The following NECTIN1 variants were observed in gnomAD, a reference collection of about 807,000 sequenced individuals.
NECTIN1 encodes the protein nectin-1.
In NECTIN1, 23 loss-of-function variants were observed where a neutral mutation model predicts 48.0. The observed-to-expected ratio is 0.48, with a 90% CI of 0.34 to 0.68. The LOEUF is 0.68. Ranked by LOEUF, NECTIN1 falls within the 30% of genes least tolerant of loss-of-function variation. The pLI, the probability that NECTIN1 is intolerant of heterozygous loss-of-function variation, is 0.01. For synonymous variants in NECTIN1, 270 were observed against 288.9 expected (o/e 0.93, Z 0.66); for missense variants, 591 against 709.9 (o/e 0.83, Z 1.90).
Position 119,728,508 on chromosome 11 carries a change from G to A in NECTIN1, c.46C>T (p.Leu16Phe). Residue 16 changes from leucine to phenylalanine, a missense_variant, in exon 1 of 6, where the codon CTC becomes TTC. By Grantham distance (22) the Leu-to-Phe change is conservative. Transcript: ENST00000264025. ...LAGAAGRWWG[L>F]ALGLTAFFLP... ...AAGAATGCGGTCAAGCCGAGAGCGA[G>A]TCCCCACCAGCGTCCAGCGGCGCCC... 6.3e-7 allele frequency: 1 copy of A among 1,598,934 alleles called. No individual in the cohort carries two copies. Among genetic ancestry groups the A allele is most frequent in the South Asian group, 1.1e-5 (1 of 88,890 alleles).
At position 119,677,329 on chromosome 11, in the gene NECTIN1, G is replaced by C. The variant is rs1464974301; in HGVS notation, c.734-110C>G. The C allele has an allele frequency of 9.0e-7, 1 of 1,117,116 alleles. No individual in the cohort carries two copies. The highest frequency in any genetic ancestry group is 1.5e-5 in the African/African-American group (1 of 65,426). The allele number at this position is 1,117,116 out of a possible 1,614,324, so 69.2% of individuals were successfully genotyped here. On this transcript the variant is annotated intron_variant, in intron 3 of 5. Coordinates refer to ENST00000264025, the MANE Select transcript of NECTIN1 (RefSeq NM_002855.5). The surrounding 1 kb of genome is among the most constrained non-coding windows in gnomAD (Gnocchi z 5.4). ...GGAGCAGTGGCATGGAAACAGCCAG[G>C]AGAGAGGGAAGTGTGGGTGGGAGGG...
In NECTIN1 at chr11:119,662,264, A is replaced by T; in HGVS notation, c.*2483T>A. 1.0e-6 allele frequency: 1 copy of T among 985,652 alleles called. No homozygotes were observed. The highest frequency in any genetic ancestry group is 1.2e-6 in the Non-Finnish European group (1 of 829,948). The allele number at this position is 985,652 out of a possible 1,614,324, so 61.1% of individuals were successfully genotyped here. A position where few individuals can be genotyped will look rare whatever the true frequency, so the allele number is the denominator to read the frequency against. Reference sequence around the variant, plus strand: ...AGCTGGCTGTGTCTGTGGGCCCAGCAGTAGTGCCCACCTTCCCACAAACTT... The same window carrying T: ...AGCTGGCTGTGTCTGTGGGCCCAGCTGTAGTGCCCACCTTCCCACAAACTT... On this transcript the variant is annotated 3_prime_UTR_variant, in exon 6 of 6. Transcript: ENST00000264025. This position sits in a 1 kb window ranked among gnomAD's most constrained non-coding sequence, Gnocchi z 5.3.
chr11:119,692,316 C>A (rs886234542), intron 1 of NECTIN1, among the ~76,000 whole-genome samples: 2 of 152,244 alleles, frequency 1.3e-5, no homozygotes, highest in African/African-American at 2.4e-5. Context: ...CCTCGGTGGC[C>A]ACCTGCTTCC....
rs1591449087 is a variant in NECTIN1 at position 119,665,038 on chromosome 11, G to A, written c.1263C>T (p.Asp421=). The part of the protein sequence containing the change: ...PMAQNLQYPD[D]SDDEKKAGPL... ...GGCCGGCCTTCTTCTCGTCGTCTGA[G>A]TCGTCGGGGTACTGCAGGTTCTGTG... Residue 421 remains aspartate (D), a synonymous_variant, in exon 6 of 6, where the codon GAC becomes GAT. Coordinates refer to ENST00000264025, the MANE Select transcript of NECTIN1 (RefSeq NM_002855.5). The surrounding 1 kb of genome is among the most constrained non-coding windows in gnomAD (Gnocchi z 5.1). 1.2e-6 allele frequency: 2 copies of A among 1,613,874 alleles called. No individual in the cohort carries two copies.
At chr11:119,674,496 T>C in intron 5 of NECTIN1, 1 of 1,611,812 alleles carries the variant, frequency 6.2e-7, no homozygotes, top group Non-Finnish European at 8.5e-7. Flanking sequence ...CATCATACTG[T>C]CCCCGTTTTA....
At chr11:119,716,816 C>A (rs548562297) in intron 1 of NECTIN1, among the ~76,000 whole-genome samples, 148 of 152,340 alleles carry the variant, frequency 9.7e-4, no homozygotes, top group African/African-American at 3.4e-3. Flanking sequence ...GAGAAGATGG[C>A]GATCAGAGTC....
intron 1 of NECTIN1, among the ~76,000 whole-genome samples, chr11:119,693,581 A>G (rs1206227584): frequency 2.0e-5 from 3 of 152,064 alleles, no homozygotes; most frequent in Non-Finnish European, 4.4e-5. Flanking sequence ...CATGACCACC[A>G]TGAAGCCCAG....
chr11:119,707,094 G>T (rs1865561627), intron 1 of NECTIN1, among the ~76,000 whole-genome samples: 1 of 152,166 alleles, frequency 6.6e-6, no homozygotes, highest in Non-Finnish European at 1.5e-5. Context: ...CTGCTGGCTT[G>T]GGTGGACAGG....
Position 119,664,959 on chromosome 11 carries a change from CT to C in NECTIN1, c.1341del (p.Gly449AlafsTer149), listed in dbSNP as rs1565382735. ...GGGCCGCCCACCTTGCGCTCGCCCC[CT>C]CCACCGCCCTCCTCCTCCTCCTCCT... ...EEEEEEEEGG[G>X]GGERKVGGPH... is the part of the protein sequence containing the mutation. On this transcript the variant is annotated frameshift_variant, in exon 6 of 6. Transcript: ENST00000264025. LOFTEE classifies it high-confidence loss of function. The C allele has an allele frequency of 6.2e-7, 1 of 1,613,052 alleles. No homozygotes were observed. Among genetic ancestry groups the C allele is most frequent in the Non-Finnish European group, 8.5e-7 (1 of 1,179,448 alleles).
chr11:119,652,915 T>G (rs966282045), intron 5 of NECTIN1, among the ~76,000 whole-genome samples: 1 of 152,230 alleles, frequency 6.6e-6, no homozygotes, highest in African/African-American at 2.4e-5. Context: ...AGAGGCACAC[T>G]GTGGCCTTTT....
chr11:119,652,418 C>G (rs1178841545), intron 5 of NECTIN1, among the ~76,000 whole-genome samples: 1 of 152,046 alleles, frequency 6.6e-6, no homozygotes, highest in Admixed American at 6.6e-5. Context: ...CCCAGGCCAC[C>G]GGAACAGGGA....
At position 119,696,432 on chromosome 11, in the gene NECTIN1, C is replaced by CT. The variant is rs556932623; in HGVS notation, c.80-17668_80-17667insA. 4.0e-4 allele frequency among the ~76,000 whole-genome samples: 60 copies of CT among 151,798 alleles called. No individual in the cohort carries two copies. The East Asian group carries it at 0.011, about 27-fold the overall frequency. On this transcript the variant is annotated intron_variant, in intron 1 of 5. Coordinates refer to ENST00000264025, the MANE Select transcript of NECTIN1 (RefSeq NM_002855.5). Reference sequence around the variant, plus strand: ...TTCTGGAGTTCAACCCCGCCCGCCCCCTGGGGTGGGGTTGGAGGAGGGAGG... The same window carrying CT: ...TTCTGGAGTTCAACCCCGCCCGCCCCTCTGGGGTGGGGTTGGAGGAGGGAGG...
intron 1 of NECTIN1, among the ~76,000 whole-genome samples, chr11:119,699,285 G>C (rs1865396710): frequency 6.6e-6 from 1 of 152,224 alleles, no homozygotes; most frequent in African/African-American, 2.4e-5. Flanking sequence ...CCTGAGCTGA[G>C]GGGACTTTTC....
intron 1 of NECTIN1, among the ~76,000 whole-genome samples, chr11:119,718,913 A>G (rs900073626): frequency 1.3e-5 from 2 of 152,246 alleles, no homozygotes; most frequent in Admixed American, 6.5e-5. Context: ...ATCTGTATAC[A>G]TGAAATGTTA....
intron 5 of NECTIN1, among the ~76,000 whole-genome samples, chr11:119,671,112 A>C (rs1457743503): frequency 6.6e-6 from 1 of 151,340 alleles, no homozygotes; most frequent in Non-Finnish European, 1.5e-5. Flanking sequence ...GGAGAGAAGA[A>C]AGGAGAAGCA....
At chr11:119,679,643 C>T (rs1303673402) in intron 1 of NECTIN1, among the ~76,000 whole-genome samples, 3 of 152,170 alleles carry the variant, frequency 2.0e-5, no homozygotes, top group African/African-American at 7.2e-5. Flanking sequence ...TTCCCGGTTT[C>T]CTTCCCTCTT....
intron 1 of NECTIN1, among the ~76,000 whole-genome samples, chr11:119,696,914 T>G: frequency 6.6e-6 from 1 of 152,142 alleles, no homozygotes; most frequent in Non-Finnish European, 1.5e-5. Context: ...AGCCGCGCGA[T>G]GTCACCTGCA....
chr11:119,703,156 G>A (rs190520081), intron 1 of NECTIN1, among the ~76,000 whole-genome samples: 10 of 152,296 alleles, frequency 6.6e-5, no homozygotes, highest in Non-Finnish European at 1.0e-4. Flanking sequence ...ACTGACACAC[G>A]GCATGACCAG....
intron 1 of NECTIN1, among the ~76,000 whole-genome samples, chr11:119,722,588 C>A (rs778988992): frequency 6.6e-6 from 1 of 152,230 alleles, no homozygotes. Flanking sequence ...CAGTGACAGG[C>A]GGCAGAACAA....
Sources: gnomAD v4.1 joint callset for allele counts (sites outside exome capture counted in the v4.1 genomes callset) on GRCh38, gnomAD v4.1.1 for gene constraint, Gnocchi (gnomAD v3.1) non-coding constraint, MANE v1.5 for transcripts, NCBI Gene and HGNC (gene_info 2026-07-23, HGNC 2026-07-21) for gene names.